Variants in ADARB2 observed in about 807,000 individuals in gnomAD.
ADARB2 encodes inactive double-stranded RNA-specific editase B2.
ADARB2 carries 25 observed loss-of-function variants against 62.2 expected under a neutral mutation model. That is an observed-to-expected ratio of 0.40 (90% CI 0.29 to 0.56). The LOEUF (loss-of-function observed/expected upper bound fraction) is 0.56, where lower values mean the gene tolerates loss of function less well. Ranked by LOEUF, ADARB2 falls within the 20% of genes least tolerant of loss-of-function variation. The probability of loss-of-function intolerance (pLI) is 0.43; values close to 1 mark genes in which losing one functional copy is unlikely to be tolerated. For synonymous variants in ADARB2, 572 were observed against 500.8 expected, an observed-to-expected ratio of 1.14 and a Z score of -1.90; for missense variants, 1,071 against 1,077.4, an observed-to-expected ratio of 0.99 and a Z score of 0.08.
At chr10:1,699,176 C>T (rs954224434) in intron 1 of ADARB2, among the ~76,000 whole-genome samples, 13 of 152,244 alleles carry the variant, frequency 8.5e-5, no homozygotes, top group African/African-American at 2.7e-4. Context: ...TCCCACTCCA[C>T]CTGGAGACCA....
chr10:1,676,273 G>A (rs1834465525), intron 1 of ADARB2, among the ~76,000 whole-genome samples: 1 of 152,134 alleles, frequency 6.6e-6, no homozygotes, highest in African/African-American at 2.4e-5. Flanking sequence ...TTCTGTGAGT[G>A]CAGCTCACAG....
At chr10:1,652,701 GCAGGCCTTCTTTGCACAGGT>G in intron 1 of ADARB2, among the ~76,000 whole-genome samples, 1 of 152,254 alleles carries the variant, frequency 6.6e-6, no homozygotes, top group East Asian at 1.9e-4. Context: ...CCGTCCTGAG[GCAGGCCTTCTTTGCACAGGT>G]CAGCATCAGC....
chr10:1,278,948 C>T (rs538630613), intron 3 of ADARB2, among the ~76,000 whole-genome samples: 5 of 152,172 alleles, frequency 3.3e-5, no homozygotes, highest in East Asian at 3.9e-4. Context: ...TGAATGACTG[C>T]GTGTATGGAT....
chr10:1,201,400 A>G (rs1836982840), intron 7 of ADARB2, among the ~76,000 whole-genome samples: 1 of 152,238 alleles, frequency 6.6e-6, no homozygotes, highest in Admixed American at 6.5e-5. Flanking sequence ...ACTTCAGTCT[A>G]TCAGATTTGC....
chr10:1,674,780 CT>C (rs1488357207), intron 1 of ADARB2, among the ~76,000 whole-genome samples: 1 of 152,196 alleles, frequency 6.6e-6, no homozygotes, highest in Non-Finnish European at 1.5e-5. Context: ...AATAAAAAAA[CT>C]GGGGAAAGTT....
intron 2 of ADARB2, among the ~76,000 whole-genome samples, chr10:1,376,011 C>A (rs115001056): frequency 0.021 from 3,158 of 151,694 alleles, 111 homozygotes; most frequent in African/African-American, 0.072. Context: ...CACATATACA[C>A]GTGAACTCAC....
At chr10:1,490,655 A>G (rs1386155403) in intron 1 of ADARB2, among the ~76,000 whole-genome samples, 1 of 152,094 alleles carries the variant, frequency 6.6e-6, no homozygotes, top group South Asian at 2.1e-4. Flanking sequence ...GGGTTTCTCC[A>G]TGTTGTCCAG....
At chr10:1,510,106 TTC>T (rs879666484) in intron 1 of ADARB2, among the ~76,000 whole-genome samples, 2 of 125,652 alleles carry the variant, frequency 1.6e-5, no homozygotes, top group African/African-American at 3.0e-5. Context: ...TTTTCTTTCT[TTC>T]TCTCTTTCTT....
intron 1 of ADARB2, among the ~76,000 whole-genome samples, chr10:1,468,756 G>A (rs1439226030): frequency 1.3e-5 from 2 of 152,248 alleles, no homozygotes; most frequent in Non-Finnish European, 1.5e-5. Flanking sequence ...CCTTTCGCCT[G>A]CGGAAGCGAC....
rs1836653691 is a variant in ADARB2, at chr10:1,180,328, G to A, written c.*2865C>T. ...AACTCTTGGGGCTGTGGGAATCCTG[G>A]GACCCGGGTCTTCCAGGCACACCTG... On this transcript the variant is annotated 3_prime_UTR_variant, in exon 10 of 10. Coordinates refer to ENST00000381312, the MANE Select transcript of ADARB2 (RefSeq NM_018702.4). 6.6e-6 allele frequency: 1 copy of A among 151,592 alleles called. No homozygotes were observed. Among genetic ancestry groups the A allele is most frequent in the Non-Finnish European group, 1.5e-5 (1 of 67,850 alleles). 9.4% of individuals were successfully genotyped at this position (151,592 alleles called of 1,614,324 possible).
intron 1 of ADARB2, among the ~76,000 whole-genome samples, chr10:1,516,784 T>G (rs151259027): frequency 3.3e-5 from 5 of 152,284 alleles, no homozygotes; most frequent in African/African-American, 1.2e-4. Flanking sequence ...GGATAATCGG[T>G]AAAGTGACAC....
chr10:1,221,993 C>T (rs1244598303), intron 6 of ADARB2, among the ~76,000 whole-genome samples: 2 of 152,222 alleles, frequency 1.3e-5, no homozygotes, highest in African/African-American at 2.4e-5. Context: ...AATGACCACA[C>T]TGACTTCCAC....
At chr10:1,364,417 C>A (rs79948017) in intron 2 of ADARB2, among the ~76,000 whole-genome samples, 2 of 152,152 alleles carry the variant, frequency 1.3e-5, no homozygotes, top group African/African-American at 2.4e-5. Flanking sequence ...CCTGAGAACT[C>A]CCTGGAGGAA....
chr10:1,708,979 A>C (rs1409452481), intron 1 of ADARB2, among the ~76,000 whole-genome samples: 1 of 152,166 alleles, frequency 6.6e-6, no homozygotes, highest in Non-Finnish European at 1.5e-5. Context: ...GGAAAGGAGG[A>C]GGCCACGCAG....
intron 1 of ADARB2, among the ~76,000 whole-genome samples, chr10:1,510,095 CTT>C (rs762645098): frequency 5.9e-5 from 7 of 117,990 alleles, no homozygotes; most frequent in Admixed American, 3.4e-4. Context: ...CTCTCTCTCT[CTT>C]TTCTTTCTTT....
At chr10:1,333,883 T>A (rs766473521) in intron 3 of ADARB2, among the ~76,000 whole-genome samples, 19 of 152,156 alleles carry the variant, frequency 1.2e-4, no homozygotes, top group Non-Finnish European at 2.6e-4. Flanking sequence ...AATTCCTGCT[T>A]CCTTTGCTAC....
intron 2 of ADARB2, among the ~76,000 whole-genome samples, chr10:1,366,716 T>C (rs1046271221): frequency 6.6e-6 from 1 of 152,210 alleles, no homozygotes; most frequent in African/African-American, 2.4e-5. Context: ...TCTTGGCCTA[T>C]GTACAGTAAC....
At chr10:1,737,030 G>A (rs1835310750) in intron 1 of ADARB2, 21 bp downstream of exon 1, 3 of 1,607,834 alleles carry the variant, frequency 1.9e-6, no homozygotes, top group Non-Finnish European at 2.5e-6. Flanking sequence ...GGCAGGGGCC[G>A]GCGCGCCACG....
At chr10:1,516,838 A>G (rs1355993484) in intron 1 of ADARB2, among the ~76,000 whole-genome samples, 1 of 152,228 alleles carries the variant, frequency 6.6e-6, no homozygotes, top group Non-Finnish European at 1.5e-5. Flanking sequence ...TGTATTTTAA[A>G]GGTCTCAGGC....
Sources: allele counts gnomAD v4.1 joint callset (sites outside exome capture counted in the v4.1 genomes callset), GRCh38; gene constraint gnomAD v4.1.1; transcripts MANE v1.5; gene names NCBI Gene and HGNC (gene_info 2026-07-23, HGNC 2026-07-21).